The following CEP350 variants were observed in gnomAD, a reference collection of about 807,000 sequenced individuals.
The protein encoded by CEP350 is centrosome-associated protein 350.
A neutral mutation model predicts 331.8 loss-of-function variants in CEP350; 126 were observed. That is an observed-to-expected ratio of 0.38 (90% CI 0.33 to 0.44). The LOEUF (loss-of-function observed/expected upper bound fraction) is 0.44, where lower values mean the gene tolerates loss of function less well. Ranked by LOEUF, CEP350 falls within the 20% of genes least tolerant of loss-of-function variation. The pLI is 1.00. For synonymous variants in CEP350, 1,200 were observed against 1,259.5 expected, an observed-to-expected ratio of 0.95 and a Z score of 1.00; for missense variants, 3,406 against 3,634.6, an observed-to-expected ratio of 0.94 and a Z score of 1.62.
At chr1:179,999,913 T>C (rs759034879) in intron 6 of CEP350, among the ~76,000 whole-genome samples, 1 of 152,226 alleles carries the variant, frequency 6.6e-6, no homozygotes, top group Non-Finnish European at 1.5e-5. Flanking sequence ...AAATGGTGTT[T>C]ATATGATTCT....
At chr1:180,013,735 ATTTGAG>A in intron 9 of CEP350, 106 bp from the exon 10 acceptor site, 1 of 975,872 alleles carries the variant, frequency 1.0e-6, no homozygotes, top group Non-Finnish European at 1.5e-6. Context: ...AGATATTTGA[ATTTGAG>A]TTTAAGTAAG....
rs10798728 is a variant in CEP350 at position 180,090,557 on chromosome 1, A to G, written c.6426-157A>G. ...CGAGACTCCGTCTCAAAAAAAAAAA[A>G]AAAAAAAAAAAAAGAAATAGGCTTG... On this transcript the variant is annotated intron_variant, in intron 32 of 37. Coordinates refer to ENST00000367607, the MANE Select transcript of CEP350 (RefSeq NM_014810.5). Among the ~76,000 whole-genome samples the G allele has an allele frequency of 2.2e-3, 200 of 92,266 alleles. 7 individuals carry two copies. The South Asian group carries it at 0.056, about 26-fold the overall frequency. 60.5% of individuals were successfully genotyped at this position (92,266 alleles called of 152,430 possible). A position where few individuals can be genotyped will look rare whatever the true frequency, so the allele number is the denominator to read the frequency against.
chr1:179,989,706 G>A (rs1415272960), intron 3 of CEP350, among the ~76,000 whole-genome samples: 1 of 152,134 alleles, frequency 6.6e-6, no homozygotes, highest in African/African-American at 2.4e-5. Context: ...GAGTGTGTAT[G>A]TGAAACCTGA....
rs140306241 is a variant in CEP350, at chr1:179,990,615, A to G, written c.229A>G (p.Arg77Gly). Residue 77 changes from arginine (R) to glycine (G), a missense_variant, in exon 4 of 38, where the codon AGA becomes GGA. By Grantham distance (125) the Arg-to-Gly change is moderately radical. This residue lies in a region of CEP350 where 1,857 missense variants were observed against 1,909.2 expected (regional missense o/e 0.97). Transcript: ENST00000367607. ...SSTSATRKIS[R>G]KDGRYLDDSW... is the part of the protein sequence containing the mutation. Reference sequence around the variant, plus strand: ...TACAAGTGCTACTCGAAAAATAAGTAGAAAAGGTATGTATGAAGTTACTTC... The same window carrying G: ...TACAAGTGCTACTCGAAAAATAAGTGGAAAAGGTATGTATGAAGTTACTTC... 4.9e-3 allele frequency: 7,659 copies of G among 1,555,968 alleles called. 15 individuals are homozygous for G. The highest frequency in any genetic ancestry group is 6.0e-3 in the Non-Finnish European group (6,869 of 1,137,472).
chr1:180,073,668 T>A, intron 27 of CEP350: 1 of 455,358 alleles, frequency 2.2e-6, no homozygotes, highest in Non-Finnish European at 2.9e-6. Context: ...ACTGAGTCAC[T>A]TATAATGTTC....
chr1:180,104,160 T>G (rs1661011954), intron 37 of CEP350, among the ~76,000 whole-genome samples: 2 of 150,696 alleles, frequency 1.3e-5, no homozygotes, highest in Non-Finnish European at 3.0e-5. Flanking sequence ...TGGCATTATC[T>G]TTACCATTTC....
chr1:180,015,565 C>T (rs747901215), intron 10 of CEP350, among the ~76,000 whole-genome samples: 7 of 152,158 alleles, frequency 4.6e-5, no homozygotes, highest in East Asian at 1.9e-4. Flanking sequence ...GAGACAGGGT[C>T]GCACTGTGTT....
intron 11 of CEP350, 29 bp from the exon 12 acceptor site, chr1:180,019,920 A>T: frequency 1.3e-6 from 2 of 1,529,486 alleles, no homozygotes; most frequent in Non-Finnish European, 1.7e-6. Context: ...TGGTTTAGTT[A>T]ACTAACATAT....
chr1:180,015,673 A>G (rs541959923), intron 10 of CEP350, among the ~76,000 whole-genome samples, 176 bp from the exon 11 acceptor site: 3 of 152,224 alleles, frequency 2.0e-5, no homozygotes, highest in East Asian at 3.9e-4. Flanking sequence ...GTGTTTTGCT[A>G]TTAGTAATGT....
At chr1:179,990,955 A>C (rs534846605) in intron 4 of CEP350, among the ~76,000 whole-genome samples, 1 of 152,104 alleles carries the variant, frequency 6.6e-6, no homozygotes, top group African/African-American at 2.4e-5. Flanking sequence ...CTGGCATTTA[A>C]TTTTTTTCCT....
At chr1:180,059,897 A>G (rs1035096205) in intron 25 of CEP350, among the ~76,000 whole-genome samples, 3 of 152,078 alleles carry the variant, frequency 2.0e-5, no homozygotes, top group African/African-American at 7.2e-5. Flanking sequence ...ACTGTTTGAT[A>G]TTGCATAATG....
In CEP350 at chr1:180,096,107, G is replaced by A. The variant is rs980509484; in HGVS notation, c.8989G>A (p.Val2997Ile). ...FAEDPNLNQP[V>I]WMKPCRINSS... ...TGAGGATCCCAACTTAAATCAACCT[G>A]TCTGGATGAAGCCATGTAGAATCAA... Residue 2997 changes from valine (V) to isoleucine (I), a missense_variant, in exon 36 of 38, where the codon GTC (valine) becomes ATC (isoleucine). Coordinates refer to ENST00000367607, the MANE Select transcript of CEP350 (RefSeq NM_014810.5). 3.8e-6 allele frequency: 6 copies of A among 1,560,990 alleles called. No individual in the cohort carries two copies. Among genetic ancestry groups the A allele is most frequent in the Non-Finnish European group, 5.2e-6 (6 of 1,150,960 alleles).
At chr1:180,015,783 C>T (rs1654935286) in intron 10 of CEP350, 66 bp from the exon 11 acceptor site, 6 of 1,537,928 alleles carry the variant, frequency 3.9e-6, no homozygotes, top group Admixed American at 2.1e-5. Flanking sequence ...TAATGTTTAA[C>T]TTAGGTGCTA....
chr1:179,955,158 A>C lies in CEP350; in HGVS notation c.-14+16A>C. On this transcript the variant is annotated intron_variant, in intron 1 of 37. Transcript: ENST00000367607. ...ACACTCTCAGGTGAGCTCCTGTAGG[A>C]CCTGGCTGGGACCGCGGAGTCTCGC... The C allele has an allele frequency of 7.0e-7, 1 of 1,430,790 alleles. No homozygotes were observed. 88.6% of individuals were successfully genotyped at this position (1,430,790 alleles called of 1,614,324 possible).
At chr1:180,068,127 T>C (rs995527522) in intron 27 of CEP350, among the ~76,000 whole-genome samples, 1 of 152,242 alleles carries the variant, frequency 6.6e-6, no homozygotes, top group Non-Finnish European at 1.5e-5. Context: ...CCTTTTCATT[T>C]TATAACTTTC....
At chr1:179,978,648 T>C (rs1652053963) in intron 1 of CEP350, among the ~76,000 whole-genome samples, 1 of 152,134 alleles carries the variant, frequency 6.6e-6, no homozygotes, top group Non-Finnish European at 1.5e-5. Context: ...AGCTTTCTGT[T>C]CCTGGCTTAT....
At chr1:180,057,237 T>G (rs1197704479) in intron 25 of CEP350, among the ~76,000 whole-genome samples, 1 of 152,042 alleles carries the variant, frequency 6.6e-6, no homozygotes. Flanking sequence ...TAGCTGGGAT[T>G]ACAGGCGTCT....
At chr1:180,015,207 ATTGTTTAT>A (rs1341193221) in intron 10 of CEP350, among the ~76,000 whole-genome samples, 1 of 135,760 alleles carries the variant, frequency 7.4e-6, no homozygotes, top group Non-Finnish European at 1.6e-5. Context: ...TGCCTAGGAA[ATTGTTTAT>A]TTATTTATTT....
intron 16 of CEP350, among the ~76,000 whole-genome samples, chr1:180,035,237 A>G (rs1355482175): frequency 1.3e-5 from 2 of 152,242 alleles, no homozygotes; most frequent in African/African-American, 4.8e-5. Flanking sequence ...CAGAGGTTAA[A>G]GAAAGAAGCC....
Sources: allele counts gnomAD v4.1 joint callset (sites outside exome capture counted in the v4.1 genomes callset), GRCh38; gene constraint gnomAD v4.1.1; regional missense constraint gnomAD v4.1.1; transcripts MANE v1.5; gene names NCBI Gene and HGNC (gene_info 2026-07-23, HGNC 2026-07-21).